The following MSR1 variants were observed in gnomAD, a reference collection of about 807,000 sequenced individuals.
The protein encoded by MSR1 is macrophage scavenger receptor 1, also known as macrophage scavenger receptor types I and II.
A neutral mutation model predicts 47.2 loss-of-function variants in MSR1; 53 were observed. The observed-to-expected ratio is 1.12, with a 90% confidence interval of 0.90 to 1.41. The LOEUF is 1.41. Ranked by LOEUF, MSR1 falls within the 40% of genes most tolerant of loss-of-function variation. The probability of loss-of-function intolerance (pLI) is 0.00; values close to 1 mark genes in which losing one functional copy is unlikely to be tolerated. For synonymous variants in MSR1, 239 were observed against 185.6 expected (o/e 1.29, Z -2.34); for missense variants, 786 against 546.9 (o/e 1.44, Z -4.36).
intron 8 of MSR1, among the ~76,000 whole-genome samples, chr8:16,126,496 A>T (rs923210266): frequency 2.0e-5 from 3 of 152,180 alleles, no homozygotes; most frequent in African/African-American, 7.2e-5. Flanking sequence ...GTTTGACCTG[A>T]AAGTTCTCAC....
chr8:16,166,578 T>C lies in MSR1; in HGVS notation c.630+1880A>G, dbSNP rs11785692. ...GAAAAGTGTATTTAATTTCAAAAAA[T>C]CCTATATAGCATCCACACACTCCCT... On this transcript the variant is annotated intron_variant, in intron 4 of 9. Coordinates refer to ENST00000262101, the MANE Select transcript of MSR1 (RefSeq NM_138715.3). Among the ~76,000 whole-genome samples the C allele has an allele frequency of 5.9e-3, 900 of 152,128 alleles. 3 individuals are homozygous for C. The highest frequency in any genetic ancestry group is 9.4e-3 in the Non-Finnish European group (637 of 67,982).
At chr8:16,140,130 G>C in intron 8 of MSR1, 2 of 984,318 alleles carry the variant, frequency 2.0e-6, no homozygotes, top group Non-Finnish European at 2.4e-6. Flanking sequence ...CCCTATCTCT[G>C]GTTGAGAATA....
At chr8:16,142,663 C>G (rs1363217747) in intron 8 of MSR1, among the ~76,000 whole-genome samples, 1 of 152,068 alleles carries the variant, frequency 6.6e-6, no homozygotes, top group East Asian at 1.9e-4. Flanking sequence ...CTGTATATTT[C>G]TAGATAATGA....
chr8:16,154,649 G>A (rs1219271339), intron 6 of MSR1, among the ~76,000 whole-genome samples: 4 of 151,894 alleles, frequency 2.6e-5, no homozygotes, highest in Admixed American at 2.6e-4. Context: ...TCTTAAAAAT[G>A]AGATAGCTTG....
At chr8:16,153,717 G>C (rs1461029656) in intron 6 of MSR1, among the ~76,000 whole-genome samples, 1 of 151,966 alleles carries the variant, frequency 6.6e-6, no homozygotes, top group Non-Finnish European at 1.5e-5. Context: ...GCAAGATGTA[G>C]CCCAGACTGA....
Position 16,130,161 on chromosome 8 carries a change from C to G in MSR1, c.1034-9555G>C, listed in dbSNP as rs1585143896. ...CAGGACAAGTGCTAACTGCTGGATC[C>G]ATAATTGATTTAAATCTCTATTTCA... On this transcript the variant is annotated intron_variant, in intron 8 of 9. Transcript: ENST00000262101. Among the ~76,000 whole-genome samples the G allele has an allele frequency of 2.6e-5, 4 of 152,236 alleles. 1 individual carries two copies. Among genetic ancestry groups the G allele is most frequent in the Admixed American group, 2.6e-4 (4 of 15,282 alleles).
chr8:16,160,017 A>G (rs150350959), intron 5 of MSR1, among the ~76,000 whole-genome samples: 11 of 152,170 alleles, frequency 7.2e-5, no homozygotes, highest in African/African-American at 2.2e-4. Flanking sequence ...TACAAAAAAG[A>G]CAAGCGAGGG....
chr8:16,173,648 G>GT (rs1244121438), intron 3 of MSR1, among the ~76,000 whole-genome samples: 2 of 151,732 alleles, frequency 1.3e-5, no homozygotes, highest in Non-Finnish European at 2.9e-5. Flanking sequence ...TGACTTTTTT[G>GT]TTTTTTCTTT....
intron 1 of MSR1, among the ~76,000 whole-genome samples, chr8:16,182,137 G>A (rs1801850889): frequency 6.6e-6 from 1 of 152,146 alleles, no homozygotes; most frequent in South Asian, 2.1e-4. Context: ...ATACTGTGCT[G>A]AATCCTGTAG....
chr8:16,137,764 A>C (rs1335679303), intron 8 of MSR1, among the ~76,000 whole-genome samples: 1 of 152,132 alleles, frequency 6.6e-6, no homozygotes, highest in Non-Finnish European at 1.5e-5. Flanking sequence ...AGGTTGAGGC[A>C]GGAGGATCGC....
intron 9 of MSR1, among the ~76,000 whole-genome samples, chr8:16,111,566 G>A (rs1420043268): frequency 6.6e-6 from 1 of 152,132 alleles, no homozygotes; most frequent in Non-Finnish European, 1.5e-5. Context: ...ATCCCAACAT[G>A]AATAGCAAAG....
At chr8:16,174,398 C>A (rs562790266) in intron 3 of MSR1, among the ~76,000 whole-genome samples, 2 of 152,252 alleles carry the variant, frequency 1.3e-5, no homozygotes, top group African/African-American at 2.4e-5. Flanking sequence ...AAATGCCAAT[C>A]GAAATACATC....
chr8:16,114,762 T>G (rs915489985), intron 9 of MSR1, among the ~76,000 whole-genome samples: 1 of 152,160 alleles, frequency 6.6e-6, no homozygotes. Context: ...TAATTGTTCT[T>G]AAAACTAAGG....
At chr8:16,115,095 C>T (rs528898174) in intron 9 of MSR1, among the ~76,000 whole-genome samples, 101 of 152,152 alleles carry the variant, frequency 6.6e-4, no homozygotes, top group African/African-American at 2.2e-3. Flanking sequence ...AGGAGAATCG[C>T]TTGAACCTGG....
intron 6 of MSR1, 22 bp from the exon 7 acceptor site, chr8:16,150,333 A>G: frequency 6.9e-7 from 1 of 1,439,342 alleles, no homozygotes; most frequent in Non-Finnish European, 9.5e-7. Flanking sequence ...ACGAAGAAAA[A>G]AAGAAGGTAA....
intron 8 of MSR1, chr8:16,139,636 T>G (rs1800476607): frequency 1.0e-6 from 1 of 974,040 alleles, no homozygotes; most frequent in Non-Finnish European, 1.2e-6. Flanking sequence ...TGGTATTCTT[T>G]TTCATGATCA....
At chr8:16,172,935 T>G (rs1449089008) in intron 3 of MSR1, among the ~76,000 whole-genome samples, 1 of 152,206 alleles carries the variant, frequency 6.6e-6, no homozygotes, top group Non-Finnish European at 1.5e-5. Context: ...TAATTTTTTA[T>G]GCCAAGTAGA....
intron 4 of MSR1, among the ~76,000 whole-genome samples, chr8:16,167,704 A>C (rs2117179390): frequency 6.6e-6 from 1 of 152,294 alleles, no homozygotes; most frequent in African/African-American, 2.4e-5. Context: ...CTACATAAAT[A>C]GTATTTCTTC....
intron 8 of MSR1, chr8:16,140,303 G>T (rs1450766457): frequency 1.0e-6 from 1 of 981,858 alleles, no homozygotes; most frequent in African/African-American, 1.8e-5. Flanking sequence ...AAAAAAAAAA[G>T]CCCTTGACTC....
Sources: allele counts gnomAD v4.1 joint callset (sites outside exome capture counted in the v4.1 genomes callset), GRCh38; gene constraint gnomAD v4.1.1; transcripts MANE v1.5; gene names NCBI Gene and HGNC (gene_info 2026-07-23, HGNC 2026-07-21).